CFAP92: variants seen among roughly 807,000 people sequenced by gnomAD.
The protein encoded by CFAP92 is uncharacterized protein CFAP92.
A neutral mutation model predicts 106.3 loss-of-function variants in CFAP92; 86 were observed. That is an observed-to-expected ratio of 0.81 (90% CI 0.68 to 0.97). The LOEUF is 0.97. Ranked by LOEUF, CFAP92 falls within the 50% of genes least tolerant of loss-of-function variation. The pLI is 0.00. For missense variants in CFAP92, 1,204 were observed against 1,283.8 expected, an observed-to-expected ratio of 0.94 and a Z score of 0.95; for synonymous variants, 477 against 506.4, an observed-to-expected ratio of 0.94 and a Z score of 0.78.
intron 4 of CFAP92, among the ~76,000 whole-genome samples, chr3:128,986,899 A>T (rs1943888305): frequency 6.6e-6 from 1 of 152,210 alleles, no homozygotes; most frequent in Non-Finnish European, 1.5e-5. Context: ...AGTAGCTCAC[A>T]CCTGTGTTCC....
intron 12 of CFAP92, among the ~76,000 whole-genome samples, chr3:128,917,904 A>G (rs957069157): frequency 1.3e-5 from 2 of 152,214 alleles, no homozygotes; most frequent in Non-Finnish European, 2.9e-5. Context: ...GAGAACAAGA[A>G]AATTTGAAGC....
intron 1 of CFAP92, chr3:129,001,622 C>T (rs1343255943): frequency 1.5e-6 from 2 of 1,355,328 alleles, no homozygotes; most frequent in Admixed American, 3.8e-5. Flanking sequence ...AGGCGCGCGG[C>T]GCAGCGATGG....
At chr3:128,925,278 C>G (rs1177251429) in intron 12 of CFAP92, among the ~76,000 whole-genome samples, 1 of 152,126 alleles carries the variant, frequency 6.6e-6, no homozygotes, top group South Asian at 2.1e-4. Context: ...AACCTAGAAC[C>G]CTTGCATGTT....
At chr3:128,926,473 C>T (rs1937658019) in intron 12 of CFAP92, among the ~76,000 whole-genome samples, 1 of 152,216 alleles carries the variant, frequency 6.6e-6, no homozygotes. Flanking sequence ...TGAGATCACA[C>T]CACTGCATTC....
At chr3:128,912,493 C>T in intron 15 of CFAP92, 1 of 1,611,416 alleles carries the variant, frequency 6.2e-7, no homozygotes, top group Non-Finnish European at 8.5e-7. Flanking sequence ...ACCATCTCTC[C>T]TTTTCCTTCC....
chr3:128,941,880 T>C (rs1206896765), intron 10 of CFAP92, among the ~76,000 whole-genome samples: 2 of 152,246 alleles, frequency 1.3e-5, no homozygotes, highest in African/African-American at 4.8e-5. Flanking sequence ...TTTGGAAGTA[T>C]GGTTATTAAT....
At chr3:128,931,426 A>T (rs1035165861) in intron 12 of CFAP92, among the ~76,000 whole-genome samples, 1 of 149,862 alleles carries the variant, frequency 6.7e-6, no homozygotes. Context: ...TCGGCCTCCC[A>T]AAGTGGTATG....
At chr3:128,962,617 T>C (rs982139763) in intron 9 of CFAP92, among the ~76,000 whole-genome samples, 2 of 152,030 alleles carry the variant, frequency 1.3e-5, no homozygotes, top group African/African-American at 4.8e-5. Context: ...CTCTACTCCC[T>C]CCTTGGCAAC....
intron 9 of CFAP92, among the ~76,000 whole-genome samples, chr3:128,956,196 T>TAAAAAAAAAATAAAAAAAAAAAAA (rs1941379225): frequency 3.2e-5 from 2 of 61,708 alleles, no homozygotes; most frequent in African/African-American, 9.2e-5. Context: ...AAAAAAAAAA[T>TAAAAAAAAAATAAAAAAAAAAAAA]AAAAAAAAAA....
chr3:128,937,591 G>A (rs907209452), intron 10 of CFAP92, among the ~76,000 whole-genome samples: 11 of 144,778 alleles, frequency 7.6e-5, no homozygotes, highest in Middle Eastern at 3.5e-3. Flanking sequence ...GCGACAGAGC[G>A]AGACTCCATA....
At chr3:129,026,633 C>T in the CFAP92 span, among the ~76,000 whole-genome samples, 1 of 152,190 alleles carries the variant, frequency 6.6e-6, no homozygotes, top group African/African-American at 2.4e-5. Flanking sequence ...CCCTATGGGG[C>T]CATATAACCA....
chr3:128,911,376 T>C (rs1239431536), intron 15 of CFAP92, among the ~76,000 whole-genome samples: 1 of 151,612 alleles, frequency 6.6e-6, no homozygotes, highest in Non-Finnish European at 1.5e-5. Context: ...CAATTTTAGA[T>C]TGAGCAAGTG....
At chr3:129,001,583 A>G (rs1459194547) in intron 1 of CFAP92, 2 of 1,345,832 alleles carry the variant, frequency 1.5e-6, no homozygotes, top group Non-Finnish European at 1.9e-6. Context: ...TGGCGGGGCG[A>G]AGGGACCGGA....
chr3:128,988,920 T>C lies in CFAP92; in HGVS notation c.263-2A>G. On this transcript the variant is annotated splice_acceptor_variant, in intron 2 of 15. Coordinates refer to ENST00000645291, the MANE Select transcript of CFAP92 (RefSeq NM_001394090.1). LOFTEE classifies it high-confidence loss of function. ...AACTTGCATATTTTCCCTTCTGACC[T>C]TGAAGATACAGATTGAAAAAGTCTC... 1 of 1,608,454 alleles carries C rather than the reference T, an allele frequency of 6.2e-7. No homozygotes were observed. The highest frequency in any genetic ancestry group is 8.5e-7 in the Non-Finnish European group (1 of 1,175,886).
chr3:128,953,889 A>AGTCTC (rs1169975495), intron 9 of CFAP92, among the ~76,000 whole-genome samples: 2 of 115,766 alleles, frequency 1.7e-5, no homozygotes, highest in Non-Finnish European at 3.2e-5. Flanking sequence ...TTGCAGACGG[A>AGTCTC]GTCTCGTTCA....
At chr3:129,014,686 C>T in the CFAP92 span, among the ~76,000 whole-genome samples, 1 of 152,140 alleles carries the variant, frequency 6.6e-6, no homozygotes, top group Non-Finnish European at 1.5e-5. The surrounding 1 kb of genome is among the most constrained non-coding windows in gnomAD (Gnocchi z 4.3). Context: ...TGAGATGTGA[C>T]CCTGGAATTG....
intron 7 of CFAP92, among the ~76,000 whole-genome samples, chr3:128,971,784 CT>C (rs997184301): frequency 1.3e-4 from 20 of 152,268 alleles, no homozygotes; most frequent in African/African-American, 4.8e-4. Flanking sequence ...GGACGGTGGG[CT>C]TTTTTAAGAG....
chr3:129,008,923 C>T, the CFAP92 span, among the ~76,000 whole-genome samples: 6 of 151,512 alleles, frequency 4.0e-5, no homozygotes, highest in African/African-American at 1.2e-4. Flanking sequence ...AGATGAGAAA[C>T]TCAGCTCCTT....
At chr3:128,962,747 A>G (rs1452112794) in intron 9 of CFAP92, among the ~76,000 whole-genome samples, 4 of 152,310 alleles carry the variant, frequency 2.6e-5, no homozygotes, top group South Asian at 4.1e-4. Flanking sequence ...CGCCTGCTAC[A>G]GCACGGGCTT....
Sources: gnomAD v4.1 joint callset for allele counts (sites outside exome capture counted in the v4.1 genomes callset) on GRCh38, gnomAD v4.1.1 for gene constraint, Gnocchi (gnomAD v3.1) non-coding constraint, MANE v1.5 for transcripts, NCBI Gene and HGNC (gene_info 2026-07-23, HGNC 2026-07-21) for gene names.